ZNF407: variants seen among roughly 807,000 people sequenced by gnomAD.
ZNF407 encodes the protein zinc finger protein 407.
ZNF407 carries 17 observed loss-of-function variants against 131.2 expected under a neutral mutation model. The observed-to-expected ratio is 0.13, with a 90% CI of 0.09 to 0.19. The LOEUF is 0.19. Ranked by LOEUF, ZNF407 falls within the 10% of genes least tolerant of loss-of-function variation. The probability of loss-of-function intolerance (pLI) is 1.00; values close to 1 mark genes in which losing one functional copy is unlikely to be tolerated. For synonymous variants in ZNF407, 1,156 were observed against 1,062.0 expected (o/e 1.09, Z -1.72); for missense variants, 2,681 against 2,830.6 (o/e 0.95, Z 1.20).
intron 8 of ZNF407, among the ~76,000 whole-genome samples, chr18:75,034,984 A>G (rs1471931410): frequency 6.6e-6 from 1 of 152,198 alleles, no homozygotes; most frequent in East Asian, 1.9e-4. Context: ...ATTATACATC[A>G]TTAAAGTAAG....
intron 4 of ZNF407, among the ~76,000 whole-genome samples, chr18:74,851,080 A>C (rs568396485): frequency 2.6e-4 from 40 of 152,354 alleles, no homozygotes; most frequent in African/African-American, 9.1e-4. Flanking sequence ...TCCTTGATAC[A>C]CATTTTGAAG....
chr18:74,974,155 A>G (rs1972502605), intron 8 of ZNF407, among the ~76,000 whole-genome samples: 1 of 152,174 alleles, frequency 6.6e-6, no homozygotes, highest in African/African-American at 2.4e-5. Context: ...TGCGATGGAC[A>G]TTATGTCTCC....
chr18:74,635,336 A>G lies in ZNF407; in HGVS notation c.4317A>G (p.Thr1439=), dbSNP rs751566450. Reference sequence around the variant, plus strand: ...TTCACATAGCCATGAAGCATCCTACAAAAGAGAAGCACTTCCATTGTTTAC... The same window carrying G: ...TTCACATAGCCATGAAGCATCCTACGAAAGAGAAGCACTTCCATTGTTTAC... ...LNVHIAMKHP[T]KEKHFHCLLC... is the part of the protein sequence containing the mutation. The change falls in exon 2 of 9, where the codon ACA becomes ACG. Residue 1439 remains threonine, a synonymous_variant. Coordinates refer to ENST00000299687, the MANE Select transcript of ZNF407 (RefSeq NM_017757.3). This position sits in a 1 kb window ranked among gnomAD's most constrained non-coding sequence, Gnocchi z 4.7. 4.3e-6 allele frequency: 7 copies of G among 1,613,914 alleles called. No individual in the cohort carries two copies. Among genetic ancestry groups the G allele is most frequent in the Middle Eastern group, 1.6e-4 (1 of 6,084 alleles).
chr18:75,002,770 A>G (rs963605794), intron 8 of ZNF407, among the ~76,000 whole-genome samples: 1 of 144,512 alleles, frequency 6.9e-6, no homozygotes, highest in Non-Finnish European at 1.5e-5. Flanking sequence ...GCGCCACTGC[A>G]CTCCAGCCTG....
At chr18:74,816,650 A>T (rs1037468575) in intron 4 of ZNF407, among the ~76,000 whole-genome samples, 2 of 152,234 alleles carry the variant, frequency 1.3e-5, no homozygotes, top group Non-Finnish European at 2.9e-5. Flanking sequence ...ATACAATTGG[A>T]TATGACATTT....
intron 4 of ZNF407, among the ~76,000 whole-genome samples, chr18:74,815,431 T>C (rs1240312019): frequency 5.3e-5 from 8 of 152,168 alleles, no homozygotes; most frequent in Admixed American, 4.6e-4. Flanking sequence ...TGTGCACTTT[T>C]GTCTTGTTTG....
chr18:74,668,880 C>G (rs975809873), intron 3 of ZNF407, among the ~76,000 whole-genome samples: 1 of 151,950 alleles, frequency 6.6e-6, no homozygotes, highest in Non-Finnish European at 1.5e-5. Context: ...CATTTTAGTT[C>G]TGAGTGTTTG....
At chr18:74,999,721 T>C (rs1972823557) in intron 8 of ZNF407, among the ~76,000 whole-genome samples, 2 of 152,234 alleles carry the variant, frequency 1.3e-5, no homozygotes, top group Admixed American at 1.3e-4. Flanking sequence ...TATGAGTCAC[T>C]TTAGGAAATA....
chr18:74,787,130 G>A (rs994057612), intron 4 of ZNF407, among the ~76,000 whole-genome samples: 5 of 151,994 alleles, frequency 3.3e-5, no homozygotes, highest in Non-Finnish European at 7.4e-5. Context: ...TTAATAGTGC[G>A]ATAGTCCTGC....
At chr18:74,664,595 A>G (rs1200400067) in intron 3 of ZNF407, among the ~76,000 whole-genome samples, 2 of 152,210 alleles carry the variant, frequency 1.3e-5, no homozygotes, top group African/African-American at 4.8e-5. Context: ...TTTAAATCCA[A>G]TGGCTGATTT....
intron 3 of ZNF407, among the ~76,000 whole-genome samples, chr18:74,708,958 C>A (rs999137430): frequency 2.0e-5 from 3 of 152,188 alleles, no homozygotes; most frequent in Non-Finnish European, 4.4e-5. Flanking sequence ...TGCTGATAAT[C>A]GTCCCCTATG....
At chr18:75,017,291 T>G (rs1599295675) in intron 8 of ZNF407, among the ~76,000 whole-genome samples, 1 of 152,276 alleles carries the variant, frequency 6.6e-6, no homozygotes, top group Non-Finnish European at 1.5e-5. Flanking sequence ...TACCCACATG[T>G]GCTATACCTG....
intron 1 of ZNF407, among the ~76,000 whole-genome samples, chr18:74,620,610 T>A (rs1188574107): frequency 1.3e-5 from 2 of 152,208 alleles, no homozygotes; most frequent in African/African-American, 2.4e-5. Flanking sequence ...CACTTGGGCA[T>A]GGGAGCACGT....
chr18:74,649,848 T>G lies in ZNF407; in HGVS notation c.4802+8726T>G, dbSNP rs79305594. Reference sequence around the variant, plus strand: ...GGTTTAAGCAGCAAAGTTAATTAATTGATCAACATTCGTCCATTCATTTTC... The same window carrying G: ...GGTTTAAGCAGCAAAGTTAATTAATGGATCAACATTCGTCCATTCATTTTC... On this transcript the variant is annotated intron_variant, in intron 3 of 8. Coordinates refer to ENST00000299687, the MANE Select transcript of ZNF407 (RefSeq NM_017757.3). Among the ~76,000 whole-genome samples, 448 of 152,368 alleles carry G rather than the reference T, an allele frequency of 2.9e-3. 2 individuals carry two copies. The highest frequency in any genetic ancestry group is 0.01 in the African/African-American group (422 of 41,594).
chr18:74,630,816 T>C lies in ZNF407; in HGVS notation c.-53-151T>C, dbSNP rs987390780. ...TTCCTAAAATCCTACTTCATACTTT[T>C]TGATAAAAGACTTTAGACATGTAAT... On this transcript the variant is annotated intron_variant, in intron 1 of 8. Transcript: ENST00000299687. 26 of 491,138 alleles carry C rather than the reference T, an allele frequency of 5.3e-5. 1 individual carries two copies. The highest frequency in any genetic ancestry group is 5.2e-4 in the Middle Eastern group (1 of 1,910). 30.4% of individuals were successfully genotyped at this position (491,138 alleles called of 1,614,324 possible). A position where few individuals can be genotyped will look rare whatever the true frequency, so the allele number is the denominator to read the frequency against.
At chr18:74,896,605 G>T (rs1011805895) in intron 7 of ZNF407, among the ~76,000 whole-genome samples, 4 of 152,158 alleles carry the variant, frequency 2.6e-5, no homozygotes, top group African/African-American at 9.7e-5. Flanking sequence ...AGATGTCAGT[G>T]TGGTGGCTGG....
intron 4 of ZNF407, among the ~76,000 whole-genome samples, chr18:74,809,536 AG>A (rs1219777744): frequency 2.0e-5 from 3 of 152,200 alleles, no homozygotes; most frequent in Non-Finnish European, 4.4e-5. Flanking sequence ...CTTTGGAGCA[AG>A]GTAGATGATG....
At chr18:74,730,254 A>G (rs1048189950) in intron 3 of ZNF407, among the ~76,000 whole-genome samples, 1 of 152,222 alleles carries the variant, frequency 6.6e-6, no homozygotes, top group Non-Finnish European at 1.5e-5. Flanking sequence ...TTTCTCAGGT[A>G]CACTTTTTAA....
chr18:74,801,660 G>C (rs1256190292), intron 4 of ZNF407, among the ~76,000 whole-genome samples: 1 of 152,160 alleles, frequency 6.6e-6, no homozygotes, highest in Admixed American at 6.5e-5. Flanking sequence ...TGCATGTCGA[G>C]GTCTCTTGGT....
Sources: gnomAD v4.1 joint callset for allele counts (sites outside exome capture counted in the v4.1 genomes callset) on GRCh38, gnomAD v4.1.1 for gene constraint, Gnocchi (gnomAD v3.1) non-coding constraint, MANE v1.5 for transcripts, NCBI Gene and HGNC (gene_info 2026-07-23, HGNC 2026-07-21) for gene names.